The following ADAM28 variants were observed in gnomAD, a reference collection of about 807,000 sequenced individuals.
ADAM28 encodes the protein ADAM metallopeptidase domain 28.
ADAM28 carries 105 observed loss-of-function variants against 101.2 expected under a neutral mutation model. The observed-to-expected ratio is 1.04, with a 90% CI of 0.89 to 1.22. The LOEUF is 1.22. Ranked by LOEUF, ADAM28 falls within the 50% of genes most tolerant of loss-of-function variation. The pLI is 0.00. For missense variants in ADAM28, 1,028 were observed against 945.4 expected (o/e 1.09, Z -1.15); for synonymous variants, 322 against 310.6 (o/e 1.04, Z -0.39).
chr8:24,346,610 T>C (rs1418967680), intron 18 of ADAM28, among the ~76,000 whole-genome samples: 3 of 152,064 alleles, frequency 2.0e-5, no homozygotes, highest in East Asian at 1.9e-4. Flanking sequence ...TACACAGCCA[T>C]TGGCTTTCAA....
At chr8:24,308,046 T>A (rs1011741646) in intron 2 of ADAM28, among the ~76,000 whole-genome samples, 9 of 152,216 alleles carry the variant, frequency 5.9e-5, no homozygotes, top group African/African-American at 1.9e-4. Context: ...CATCCAGGAC[T>A]GTGGCTTTCC....
chr8:24,330,358 T>A (rs182768017), intron 11 of ADAM28, among the ~76,000 whole-genome samples: 2 of 152,272 alleles, frequency 1.3e-5, no homozygotes, highest in East Asian at 3.9e-4. Context: ...ATACAAGACC[T>A]GGCTTCAGAA....
Position 24,341,748 on chromosome 8 carries a change from C to T in ADAM28, c.1821C>T (p.Gly607=), listed in dbSNP as rs149263503. 123 of 1,613,158 alleles carry T rather than the reference C, an allele frequency of 7.6e-5. No homozygotes were observed. The highest frequency in any genetic ancestry group is 6.7e-4 in the African/African-American group (50 of 74,846). ...IGMVANGTKC[G]DNKVCINAEC... ...TGGTGGCCAATGGAACTAAGTGTGG[C>T]GATAACAAGGTAAGTTGAAATTGTG... Residue 607 remains glycine (G), a synonymous_variant, in exon 16 of 23, where the codon GGC becomes GGT. Transcript: ENST00000265769.
In ADAM28 at chr8:24,341,677, A is replaced by T. The variant is rs780082222; in HGVS notation, c.1750A>T (p.Thr584Ser). ...GAAAGGACGGATAGTGACTTTCCTG[A>T]CATGTAAAACATTTGATCCTGAAGA... is the stretch of plus-strand genomic sequence containing the variant. ...PWKGRIVTFL[T>S]CKTFDPEDTS... Residue 584 changes from threonine to serine, a missense_variant, in exon 16 of 23, where the codon ACA becomes TCA. Thr to Ser is a moderately conservative substitution (Grantham distance 58). Coordinates refer to ENST00000265769, the MANE Select transcript of ADAM28 (RefSeq NM_014265.6). The T allele has an allele frequency of 6.2e-7, 1 of 1,613,982 alleles. No individual in the cohort carries two copies. The highest frequency in any genetic ancestry group is 2.2e-5 in the East Asian group (1 of 44,872).
chr8:24,294,176 TCTC>T lies in ADAM28; in HGVS notation c.34_36del (p.Leu12del), dbSNP rs1208522440. On this transcript the variant is annotated inframe_deletion, in exon 1 of 23. Transcript: ENST00000265769. ...TGTTGCAAGGTCTCCTGCCAGTCAG[TCTC>T]CTCCTCTCTGTTGCAGGTACATATT... 2 of 1,614,018 alleles carry T rather than the reference TCTC, an allele frequency of 1.2e-6. No homozygotes were observed. The highest frequency in any genetic ancestry group is 2.2e-5 in the East Asian group (1 of 44,898).
At chr8:24,322,819 T>C (rs1274566700) in intron 8 of ADAM28, among the ~76,000 whole-genome samples, 1 of 151,990 alleles carries the variant, frequency 6.6e-6, no homozygotes, top group Non-Finnish European at 1.5e-5. Context: ...AATATTTAAG[T>C]TTCTTAGCAG....
In ADAM28 at chr8:24,351,596, A is replaced by T. The variant is rs76956970; in HGVS notation, c.2178+286A>T. ...CTGCTTCATTCTCTCTCCCTCTCTC[A>T]CACACACACACTCCCTCTAGCTTAT... On this transcript the variant is annotated intron_variant, in intron 20 of 22. Transcript: ENST00000265769. The T allele has an allele frequency of 8.2e-3, 3,763 of 458,416 alleles. 123 individuals carry two copies. Among genetic ancestry groups the T allele is most frequent in the African/African-American group, 0.067 (3,354 of 50,040 alleles). The allele number at this position is 458,416 out of a possible 1,614,324, so 28.4% of individuals were successfully genotyped here.
At chr8:24,296,637 C>T (rs1808003480) in intron 1 of ADAM28, among the ~76,000 whole-genome samples, 1 of 152,158 alleles carries the variant, frequency 6.6e-6, no homozygotes, top group Admixed American at 6.5e-5. Context: ...TTCTAAGACT[C>T]AAAACAGTCA....
intron 6 of ADAM28, 35 bp downstream of exon 6, chr8:24,313,615 T>C (rs755807874): frequency 2.5e-6 from 4 of 1,598,010 alleles, no homozygotes; most frequent in Non-Finnish European, 3.4e-6. Flanking sequence ...AATGCTCTCA[T>C]GTATTCTGCC....
At chr8:24,351,166 C>CGGA in intron 19 of ADAM28, 66 bp from the exon 20 acceptor site, 1 of 1,289,442 alleles carries the variant, frequency 7.8e-7, no homozygotes, top group South Asian at 1.5e-5. Context: ...GAATCTTCTA[C>CGGA]GGAGTTTCCC....
chr8:24,343,367 A>T, intron 17 of ADAM28, 139 bp from the exon 18 acceptor site: 1 of 1,061,370 alleles, frequency 9.4e-7, no homozygotes, highest in Non-Finnish European at 1.4e-6. Context: ...CCTCTCATTC[A>T]CTCATACTTT....
chr8:24,310,193 A>T lies in ADAM28; in HGVS notation c.258A>T (p.Thr86=), dbSNP rs1563275451. ...TCCTTGCACCAGGCTACACGGAAAC[A>T]TATTATAATTCCACTGGAAAGGAGA... The part of the protein sequence containing the change: ...KNLLAPGYTE[T]YYNSTGKEIT... Residue 86 remains threonine, a synonymous_variant, in exon 4 of 23, where the codon ACA becomes ACT. Coordinates refer to ENST00000265769, the MANE Select transcript of ADAM28 (RefSeq NM_014265.6). 6.2e-7 allele frequency: 1 copy of T among 1,613,542 alleles called. No homozygotes were observed. The highest frequency in any genetic ancestry group is 1.1e-5 in the South Asian group (1 of 91,078).
At chr8:24,304,181 A>C (rs904213197) in intron 2 of ADAM28, among the ~76,000 whole-genome samples, 8 of 150,444 alleles carry the variant, frequency 5.3e-5, no homozygotes, top group African/African-American at 1.7e-4. Flanking sequence ...TTTTGAATAT[A>C]TATTTTGATT....
chr8:24,310,368 C>A, intron 4 of ADAM28, 127 bp downstream of exon 4: 6 of 720,108 alleles, frequency 8.3e-6, no homozygotes, highest in Admixed American at 6.5e-5. Flanking sequence ...CAGCAGTAGC[C>A]ATTACTTAAA....
At chr8:24,350,639 C>G (rs1815989432) in intron 19 of ADAM28, among the ~76,000 whole-genome samples, 1 of 152,122 alleles carries the variant, frequency 6.6e-6, no homozygotes, top group Admixed American at 6.6e-5. Context: ...TATCTATTAT[C>G]TTATTTACAC....
chr8:24,306,365 T>TATATATATATAA (rs1809653427), intron 2 of ADAM28, among the ~76,000 whole-genome samples: 1 of 123,100 alleles, frequency 8.1e-6, no homozygotes, highest in African/African-American at 3.0e-5. Flanking sequence ...AATAAATAAA[T>TATATATATATAA]ATATATATAT....
chr8:24,349,848 C>T lies in ADAM28; in HGVS notation c.1991-16C>T. ...TGTTTCTGCAGTCCTCAGCGGGCCC[C>T]TGTTCTCTGCTGCAGACTTCTCCAT... is the stretch of plus-strand genomic sequence containing the variant. On this transcript the variant is annotated splice_polypyrimidine_tract_variant and intron_variant, in intron 18 of 22. Transcript: ENST00000265769. The T allele has an allele frequency of 4.3e-6, 7 of 1,611,378 alleles. No individual in the cohort carries two copies. The highest frequency in any genetic ancestry group is 5.9e-6 in the Non-Finnish European group (7 of 1,177,868).
At chr8:24,345,192 C>T (rs1172728670) in intron 18 of ADAM28, among the ~76,000 whole-genome samples, 1 of 151,882 alleles carries the variant, frequency 6.6e-6, no homozygotes, top group East Asian at 1.9e-4. Context: ...GTTCTGTTTC[C>T]ATTAAGATGT....
At position 24,309,924 on chromosome 8, in the gene ADAM28, A is replaced by G. The variant is rs1810220709; in HGVS notation, c.181A>G (p.Met61Val). The G allele has an allele frequency of 6.4e-7, 1 of 1,562,572 alleles. No homozygotes were observed. The highest frequency in any genetic ancestry group is 1.7e-5 in the Admixed American group (1 of 59,234). ...ATTTGAAACTGAATTAAAGTATAAAATGACAATTAATGGAAAAATTGCAGT... is the reference window on the plus strand; with the variant it reads ...ATTTGAAACTGAATTAAAGTATAAAGTGACAATTAATGGAAAAATTGCAGT... ...EQFETELKYK[M>V]TINGKIAVLY... The change falls in exon 3 of 23, where the codon ATG (methionine) becomes GTG (valine). Residue 61 changes from methionine (M) to valine (V), a missense_variant. Physicochemically the swap from Met to Val is conservative, Grantham distance 21. Transcript: ENST00000265769.
Sources: gnomAD v4.1 joint callset for allele counts (sites outside exome capture counted in the v4.1 genomes callset) on GRCh38, gnomAD v4.1.1 for gene constraint, MANE v1.5 for transcripts, NCBI Gene and HGNC (gene_info 2026-07-23, HGNC 2026-07-21) for gene names.